The following PLD5 variants were observed in gnomAD, a reference collection of about 807,000 sequenced individuals.
PLD5 encodes inactive phospholipase D5.
PLD5 carries 36 observed loss-of-function variants against 61.1 expected under a neutral mutation model. That is an observed-to-expected ratio of 0.59 (90% CI 0.45 to 0.78). The LOEUF is 0.78. Among genes scored for constraint, PLD5 ranks in the 30% least tolerant of loss-of-function variants. The pLI is 0.00. For missense variants in PLD5, 515 were observed against 644.4 expected (o/e 0.80, Z 2.17); for synonymous variants, 243 against 242.8 (o/e 1.00, Z -0.01).
the PLD5 span, among the ~76,000 whole-genome samples, chr1:242,529,778 T>TCTATCTTCCTTCCTTCCTTC: frequency 7.7e-6 from 1 of 129,792 alleles, no homozygotes; most frequent in Non-Finnish European, 1.7e-5. Context: ...GGCACTGGGA[T>TCTATCTTCCTTCCTTCCTTC]CTTCCTTCCT....
At chr1:242,293,635 T>C (rs560750686) in intron 2 of PLD5, among the ~76,000 whole-genome samples, 5 of 152,328 alleles carry the variant, frequency 3.3e-5, no homozygotes, top group Admixed American at 2.6e-4. Context: ...TAGGGACTAC[T>C]GTATTACCGT....
At chr1:242,303,478 C>T (rs981914837) in intron 2 of PLD5, among the ~76,000 whole-genome samples, 1 of 152,180 alleles carries the variant, frequency 6.6e-6, no homozygotes, top group Non-Finnish European at 1.5e-5. Context: ...TGTATAAATG[C>T]TATTTTCTAA....
At chr1:242,368,285 T>C (rs569172452) in intron 1 of PLD5, among the ~76,000 whole-genome samples, 2 of 151,872 alleles carry the variant, frequency 1.3e-5, no homozygotes, top group South Asian at 2.1e-4. Context: ...ATCAGAGCCC[T>C]GAACCACCTG....
intron 4 of PLD5, among the ~76,000 whole-genome samples, chr1:242,253,305 CTTTTTTT>C (rs1181235404): frequency 4.8e-4 from 34 of 70,696 alleles, no homozygotes; most frequent in Non-Finnish European, 6.0e-4. Flanking sequence ...CCTCTCTTCA[CTTTTTTT>C]TTTTTTTTTT....
intron 5 of PLD5, among the ~76,000 whole-genome samples, chr1:242,180,470 G>A (rs1417936077): frequency 6.6e-6 from 1 of 151,962 alleles, no homozygotes; most frequent in Non-Finnish European, 1.5e-5. Context: ...AGTAATGATA[G>A]TGCCAAGCTA....
At chr1:242,394,359 TGTATATATGA>T (rs1375599185) in intron 1 of PLD5, among the ~76,000 whole-genome samples, 6 of 97,966 alleles carry the variant, frequency 6.1e-5, no homozygotes, top group African/African-American at 2.5e-4. Context: ...TATATATGTG[TGTATATATGA>T]GTATATATGT....
chr1:242,146,621 T>C (rs1664562347), intron 5 of PLD5, among the ~76,000 whole-genome samples: 1 of 152,204 alleles, frequency 6.6e-6, no homozygotes, highest in African/African-American at 2.4e-5. Flanking sequence ...ACACTTCAGA[T>C]GCTTTTTCTA....
chr1:242,184,602 C>G (rs1667755797), intron 5 of PLD5, among the ~76,000 whole-genome samples: 1 of 152,172 alleles, frequency 6.6e-6, no homozygotes, highest in South Asian at 2.1e-4. Context: ...CTCCTGTCCT[C>G]AAGTGATCCA....
intron 1 of PLD5, among the ~76,000 whole-genome samples, chr1:242,519,292 C>A (rs1465591644): frequency 1.3e-5 from 2 of 152,198 alleles, no homozygotes; most frequent in Admixed American, 6.5e-5. Context: ...TTATCCTTTG[C>A]TCCTCATGTA....
At chr1:242,493,655 A>T (rs1668248442) in intron 1 of PLD5, among the ~76,000 whole-genome samples, 1 of 152,088 alleles carries the variant, frequency 6.6e-6, no homozygotes, top group South Asian at 2.1e-4. Flanking sequence ...AGCCCCAGGG[A>T]GCTGCCAGGA....
rs986613326 is a variant in PLD5, at chr1:242,136,350, G to A, written c.736-11685C>T. Reference sequence around the variant, plus strand: ...GTTAGAATTTTATAAAGGTGACATCGACCTTTGTGCTGTATCGTAATATAC... The same window carrying A: ...GTTAGAATTTTATAAAGGTGACATCAACCTTTGTGCTGTATCGTAATATAC... On this transcript the variant is annotated intron_variant, in intron 5 of 9. Transcript: ENST00000536534. 5.9e-5 allele frequency among the ~76,000 whole-genome samples: 9 copies of A among 152,048 alleles called. No individual in the cohort carries two copies. The South Asian group carries it at 6.2e-4, about 11-fold the overall frequency.
intron 2 of PLD5, among the ~76,000 whole-genome samples, chr1:242,295,420 A>G (rs1252524004): frequency 2.0e-5 from 3 of 152,086 alleles, no homozygotes; most frequent in African/African-American, 7.2e-5. Context: ...GAGTTATTTC[A>G]CCTAGGATAA....
At position 242,087,423 on chromosome 1, in the gene PLD5, A is replaced by G. The variant is rs1414365522; in HGVS notation, c.*2431T>C. On this transcript the variant is annotated 3_prime_UTR_variant, in exon 10 of 10. Transcript: ENST00000536534. Reference sequence around the variant, plus strand: ...GAAGGGGCCCCATGACACCAAGCCTATGAGTGTCCCATGGCTGTGGATGAA... The same window carrying G: ...GAAGGGGCCCCATGACACCAAGCCTGTGAGTGTCCCATGGCTGTGGATGAA... 1 of 152,182 alleles carries G rather than the reference A, an allele frequency of 6.6e-6. No homozygotes were observed. The highest frequency in any genetic ancestry group is 1.5e-5 in the Non-Finnish European group (1 of 68,040). 9.4% of individuals were successfully genotyped at this position (152,182 alleles called of 1,614,324 possible). A position where few individuals can be genotyped will look rare whatever the true frequency, so the allele number is the denominator to read the frequency against.
At chr1:242,438,532 C>T (rs1666120741) in intron 1 of PLD5, among the ~76,000 whole-genome samples, 1 of 150,238 alleles carries the variant, frequency 6.7e-6, no homozygotes, top group South Asian at 2.1e-4. Context: ...GCAACCTCTG[C>T]CTCCTGGGTT....
At chr1:242,194,999 A>G (rs986886562) in intron 5 of PLD5, among the ~76,000 whole-genome samples, 4 of 152,202 alleles carry the variant, frequency 2.6e-5, no homozygotes, top group South Asian at 2.1e-4. Flanking sequence ...GTAACCAAAC[A>G]CCACCTGTTC....
chr1:242,185,365 A>AACTC (rs1396387744), intron 5 of PLD5, among the ~76,000 whole-genome samples: 1 of 152,198 alleles, frequency 6.6e-6, no homozygotes, highest in African/African-American at 2.4e-5. Flanking sequence ...TCAGACTGGA[A>AACTC]ACTCCTAGAA....
At chr1:242,489,913 A>G (rs1355745610) in intron 1 of PLD5, among the ~76,000 whole-genome samples, 1 of 152,260 alleles carries the variant, frequency 6.6e-6, no homozygotes, top group Non-Finnish European at 1.5e-5. Flanking sequence ...TTCTTGAGAT[A>G]GGAGATTGAA....
At chr1:242,253,305 C>CTTTT (rs1181235404) in intron 4 of PLD5, among the ~76,000 whole-genome samples, 50 of 70,692 alleles carry the variant, frequency 7.1e-4, no homozygotes, top group African/African-American at 2.5e-3. Context: ...CCTCTCTTCA[C>CTTTT]TTTTTTTTTT....
At chr1:242,238,905 T>C (rs1671815258) in intron 4 of PLD5, among the ~76,000 whole-genome samples, 1 of 152,126 alleles carries the variant, frequency 6.6e-6, no homozygotes, top group Non-Finnish European at 1.5e-5. Context: ...TCTGCCCTGG[T>C]ATCCTCTGTC....
Sources: allele counts gnomAD v4.1 joint callset (sites outside exome capture counted in the v4.1 genomes callset), GRCh38; gene constraint gnomAD v4.1.1; transcripts MANE v1.5; gene names NCBI Gene and HGNC (gene_info 2026-07-23, HGNC 2026-07-21).